PTGFRN: variants seen among roughly 807,000 people sequenced by gnomAD.
The protein encoded by PTGFRN is prostaglandin F2 receptor negative regulator.
Under a neutral mutation model 83.2 loss-of-function variants are expected in PTGFRN, and 35 were observed. The observed-to-expected ratio is 0.42, with a 90% confidence interval of 0.32 to 0.56. The LOEUF is 0.56. Ranked by LOEUF, PTGFRN falls within the 20% of genes least tolerant of loss-of-function variation. The probability of loss-of-function intolerance (pLI) is 0.11; values close to 1 mark genes in which losing one functional copy is unlikely to be tolerated. For missense variants in PTGFRN, 1,051 were observed against 1,179.5 expected, an observed-to-expected ratio of 0.89 and a Z score of 1.60; for synonymous variants, 519 against 498.6, an observed-to-expected ratio of 1.04 and a Z score of -0.55.
Position 116,961,751 on chromosome 1 carries a change from T to C in PTGFRN, c.1639+83T>C. On this transcript the variant is annotated intron_variant, in intron 5 of 8. Transcript: ENST00000393203. This position sits in a 1 kb window ranked among gnomAD's most constrained non-coding sequence, Gnocchi z 5.4. ...TGTGTGTTGATGCACAGTCACCCTCTGCAGGTTATCACTTACACTAGGAAT... is the reference window on the plus strand; with the variant it reads ...TGTGTGTTGATGCACAGTCACCCTCCGCAGGTTATCACTTACACTAGGAAT... The C allele has an allele frequency of 2.3e-6, 3 of 1,312,320 alleles. No homozygotes were observed. The highest frequency in any genetic ancestry group is 1.0e-6 in the Non-Finnish European group (1 of 958,784). The allele number at this position is 1,312,320 out of a possible 1,614,324, so 81.3% of individuals were successfully genotyped here. A position where few individuals can be genotyped will look rare whatever the true frequency, so the allele number is the denominator to read the frequency against.
At position 116,909,966 on chromosome 1, in the gene PTGFRN, C is replaced by T. The variant is rs1413401226; in HGVS notation, c.-238C>T. ...GGGCTGCACACTCGGATCGGCGGGGCCGGCTCCCGGGCCCGGCCGGCTGGA... is the reference window on the plus strand; with the variant it reads ...GGGCTGCACACTCGGATCGGCGGGGTCGGCTCCCGGGCCCGGCCGGCTGGA... On this transcript the variant is annotated 5_prime_UTR_variant, in exon 1 of 9. Transcript: ENST00000393203. The T allele has an allele frequency of 5.3e-6, 3 of 565,156 alleles. No individual in the cohort carries two copies. The highest frequency in any genetic ancestry group is 4.0e-5 in the African/African-American group (2 of 49,908). The allele number at this position is 565,156 out of a possible 1,614,324, so 35.0% of individuals were successfully genotyped here.
rs1650666489 is a variant in PTGFRN, at chr1:116,961,594, A to C, written c.1565A>C (p.Lys522Thr). The C allele has an allele frequency of 1.9e-6, 3 of 1,614,096 alleles. No homozygotes were observed. The highest frequency in any genetic ancestry group is 1.7e-6 in the Non-Finnish European group (2 of 1,180,038). Residue 522 changes from lysine to threonine, a missense_variant, in exon 5 of 9, where the codon AAA becomes ACA. Physicochemically the swap from Lys to Thr is moderately conservative, Grantham distance 78. Around this residue, in one of 3 missense-constraint regions of PTGFRN, gnomAD observed 719 missense variants for 836.6 expected, o/e 0.86. Coordinates refer to ENST00000393203, the MANE Select transcript of PTGFRN (RefSeq NM_020440.4). The surrounding 1 kb of genome is among the most constrained non-coding windows in gnomAD (Gnocchi z 5.4). ...NYYCVVSAWT[K>T]QRNNSWVKSK... ...TACTGTGTTGTGTCTGCCTGGACCA[A>C]ACAGCGGAACAACAGCTGGGTGAAA... is the stretch of plus-strand genomic sequence containing the variant.
At position 116,949,365 on chromosome 1, in the gene PTGFRN, C is replaced by G; in HGVS notation, c.1006C>G (p.Arg336Gly). The G allele has an allele frequency of 1.2e-6, 2 of 1,614,254 alleles. No individual in the cohort carries two copies. Among genetic ancestry groups the G allele is most frequent in the Middle Eastern group, 1.6e-4 (1 of 6,062 alleles). Residue 336 changes from arginine to glycine, a missense_variant, in exon 4 of 9, where the codon CGT becomes GGT. Arg to Gly is a moderately radical substitution (Grantham distance 125). Transcript: ENST00000393203. Reference sequence around the variant, plus strand: ...CTCCCGCGTGTTGGCGCGGCTTGACCGTGATTCCCTGGTGCACAGCTCGCC... The same window carrying G: ...CTCCCGCGTGTTGGCGCGGCTTGACGGTGATTCCCTGGTGCACAGCTCGCC... ...PGSRVLARLDRDSLVHSSPHV... is the reference protein window; with the variant it reads ...PGSRVLARLDGDSLVHSSPHV...
At chr1:116,963,418 G>A (rs907553548) in intron 5 of PTGFRN, among the ~76,000 whole-genome samples, 1 of 152,212 alleles carries the variant, frequency 6.6e-6, no homozygotes, top group African/African-American at 2.4e-5. Flanking sequence ...ACCAGGTCAC[G>A]TGGCATATGT....
chr1:116,942,617 C>T lies in PTGFRN; in HGVS notation c.418+534C>T, dbSNP rs560968284. Among the ~76,000 whole-genome samples the T allele has an allele frequency of 4.6e-5, 7 of 152,264 alleles. 1 individual carries two copies. The highest frequency in any genetic ancestry group is 2.4e-5 in the African/African-American group (1 of 41,558). ...TGCTCAGGTTTATGGGAATCACAGG[C>T]ACTTCAAAGTTCATGTCTTTCTCTG... On this transcript the variant is annotated intron_variant, in intron 2 of 8. Transcript: ENST00000393203.
rs1651252986 is a variant in PTGFRN, at chr1:116,979,598, C to T, written c.2168-5082C>T. ...TACAACTATCTGATCTTTGACAAAC[C>T]TGAGAAAAACAAGACATGGGGAAAG... On this transcript the variant is annotated intron_variant, in intron 7 of 8. Transcript: ENST00000393203. Among the ~76,000 whole-genome samples, 9 of 152,232 alleles carry T rather than the reference C, an allele frequency of 5.9e-5. No homozygotes were observed. The South Asian group carries it at 1.9e-3, about 32-fold the overall frequency.
Position 116,944,795 on chromosome 1 carries a change from A to G in PTGFRN, c.535A>G (p.Thr179Ala), listed in dbSNP as rs747404190. 15 of 1,567,378 alleles carry G rather than the reference A, an allele frequency of 9.6e-6. No homozygotes were observed. Among genetic ancestry groups the G allele is most frequent in the Non-Finnish European group, 1.3e-5 (15 of 1,160,420 alleles). ...CTAASASPLH[T>A]HLALLWEVHR... ...CGCCGCCTCCGCCTCGCCGCTGCAC[A>G]CGCACCTGGCGCTGCTGTGGGAGGT... is the stretch of plus-strand genomic sequence containing the variant. Residue 179 changes from threonine to alanine, a missense_variant, in exon 3 of 9, where the codon ACG becomes GCG. Thr to Ala is a moderately conservative substitution (Grantham distance 58). This residue lies in a region of PTGFRN where 205 missense variants were observed against 174.5 expected (regional missense o/e 1.17). Transcript: ENST00000393203.
intron 1 of PTGFRN, among the ~76,000 whole-genome samples, chr1:116,921,162 C>T (rs1292832715): frequency 6.6e-6 from 1 of 152,208 alleles, no homozygotes; most frequent in Non-Finnish European, 1.5e-5. Context: ...CTGGCCCTCC[C>T]TGGCTACTTT....
At chr1:116,951,841 G>A (rs1194226406) in intron 4 of PTGFRN, among the ~76,000 whole-genome samples, 3 of 152,074 alleles carry the variant, frequency 2.0e-5, no homozygotes, top group African/African-American at 7.2e-5. Flanking sequence ...GACACTCCAT[G>A]GTTGTCTCTA....
intron 3 of PTGFRN, 53 bp downstream of exon 3, chr1:116,945,145 T>G: frequency 6.5e-7 from 1 of 1,544,046 alleles, no homozygotes; most frequent in South Asian, 1.2e-5. Flanking sequence ...CTAATGATAG[T>G]GATACAAAGA....
intron 1 of PTGFRN, among the ~76,000 whole-genome samples, chr1:116,911,774 C>G (rs1432799878): frequency 6.6e-6 from 1 of 152,206 alleles, no homozygotes; most frequent in Non-Finnish European, 1.5e-5. Context: ...TCCTGAAGTG[C>G]TGGAATTACA....
intron 7 of PTGFRN, among the ~76,000 whole-genome samples, chr1:116,977,496 T>A (rs1240583050): frequency 6.6e-6 from 1 of 152,146 alleles, no homozygotes; most frequent in Admixed American, 6.5e-5. Flanking sequence ...CCTCAGCAAA[T>A]GTAAAAGAAC....
intron 7 of PTGFRN, among the ~76,000 whole-genome samples, chr1:116,980,759 A>G (rs1651294496): frequency 6.6e-6 from 1 of 152,198 alleles, no homozygotes; most frequent in Admixed American, 6.5e-5. Flanking sequence ...AATGTAAATG[A>G]CGAGTTAATG....
chr1:116,938,723 A>G (rs1222758069), intron 1 of PTGFRN, among the ~76,000 whole-genome samples: 4 of 152,172 alleles, frequency 2.6e-5, no homozygotes, highest in Non-Finnish European at 2.9e-5. Flanking sequence ...GTCTTAACTC[A>G]TTTCAGCATT....
chr1:116,964,260 C>G (rs1650763811), intron 5 of PTGFRN, among the ~76,000 whole-genome samples: 1 of 152,108 alleles, frequency 6.6e-6, no homozygotes, highest in Non-Finnish European at 1.5e-5. Context: ...AGGCTTTCCC[C>G]TCAGCTGCTT....
rs184633455 is a variant in PTGFRN at position 116,928,630 on chromosome 1, C to T, written c.50-13085C>T. Among the ~76,000 whole-genome samples the T allele has an allele frequency of 5.3e-3, 799 of 151,734 alleles. 5 individuals are homozygous for T. The highest frequency in any genetic ancestry group is 8.4e-3 in the Non-Finnish European group (566 of 67,710). On this transcript the variant is annotated intron_variant, in intron 1 of 8. Transcript: ENST00000393203. ...TCCAGCAAAGTCCTGGCATCTTTACCGCAGCTCAGCTCTCCTTTGTGTTCC... is the reference window on the plus strand; with the variant it reads ...TCCAGCAAAGTCCTGGCATCTTTACTGCAGCTCAGCTCTCCTTTGTGTTCC...
At position 116,941,045 on chromosome 1, in the gene PTGFRN, C is replaced by A. The variant is rs1650046057; in HGVS notation, c.50-670C>A. Among the ~76,000 whole-genome samples the A allele has an allele frequency of 6.6e-6, 1 of 152,206 alleles. No homozygotes were observed. Among genetic ancestry groups the A allele is most frequent in the African/African-American group, 2.4e-5 (1 of 41,454 alleles). On this transcript the variant is annotated intron_variant, in intron 1 of 8. Transcript: ENST00000393203. The surrounding 1 kb of genome is among the most constrained non-coding windows in gnomAD (Gnocchi z 5.0). ...ACCAGCTGCTGCATTCCTAAGAACA[C>A]CCAGCAACCAACCTGCCTCTCTCCC...
chr1:116,982,181 A>G (rs1293082443), intron 7 of PTGFRN, among the ~76,000 whole-genome samples: 1 of 152,230 alleles, frequency 6.6e-6, no homozygotes, highest in African/African-American at 2.4e-5. Context: ...CTTAAAGTTC[A>G]TTTATGATAC....
chr1:116,959,309 C>G (rs570352341), intron 4 of PTGFRN, among the ~76,000 whole-genome samples: 1 of 152,256 alleles, frequency 6.6e-6, no homozygotes, highest in East Asian at 1.9e-4. Flanking sequence ...CCTGGCAGTC[C>G]CACAGCCTGT....
Sources: gnomAD v4.1 joint callset for allele counts (sites outside exome capture counted in the v4.1 genomes callset) on GRCh38, gnomAD v4.1.1 for gene constraint, gnomAD v4.1.1 regional missense constraint, Gnocchi (gnomAD v3.1) non-coding constraint, MANE v1.5 for transcripts, NCBI Gene and HGNC (gene_info 2026-07-23, HGNC 2026-07-21) for gene names.